The following RBP5 variants were observed in gnomAD, a reference collection of about 807,000 sequenced individuals.
The protein encoded by RBP5 is retinol binding protein 5, also known as retinol-binding protein 5.
RBP5 carries 12 observed loss-of-function variants against 17.8 expected under a neutral mutation model. The observed-to-expected ratio is 0.67, with a 90% confidence interval of 0.43 to 1.09. The LOEUF (loss-of-function observed/expected upper bound fraction) is 1.09. Among genes scored for constraint, RBP5 ranks in the 50% least tolerant of loss-of-function variants. The pLI is 0.00. For synonymous variants in RBP5, 64 were observed against 68.1 expected, an observed-to-expected ratio of 0.94 and a Z score of 0.30; for missense variants, 172 against 169.4, an observed-to-expected ratio of 1.02 and a Z score of -0.09.
chr12:7,127,690 G>A (rs1242654202), intron 2 of RBP5: 1 of 702,254 alleles, frequency 1.4e-6, no homozygotes, highest in Non-Finnish European at 2.6e-6. Context: ...GGCTCTGGCT[G>A]GAGAATTCAT....
chr12:7,118,516 G>A (rs2135775766), intron 3 of RBP5: 1 of 152,258 alleles, frequency 6.6e-6, no homozygotes, highest in East Asian at 1.9e-4. Context: ...TGTACAGAGA[G>A]GGAAAGGAAG....
Position 7,117,717 on chromosome 12 carries a change from G to T in RBP5, n.890-410C>A, listed in dbSNP as rs935045881. ...AGGGAAGACAAGTCCCAGATAGAAT[G>T]CCCTTTGCAACCTAGGGGGAGCTGA... is the stretch of plus-strand genomic sequence containing the variant. On this transcript the variant is annotated intron_variant and non_coding_transcript_variant, in intron 3 of 3. Coordinates refer to the RBP5 transcript ENST00000619522. The surrounding 1 kb of genome is among the most constrained non-coding windows in gnomAD (Gnocchi z 4.9). 6.6e-6 allele frequency: 1 copy of T among 152,170 alleles called. No individual in the cohort carries two copies. Among genetic ancestry groups the T allele is most frequent in the Non-Finnish European group, 1.5e-5 (1 of 68,032 alleles). 9.4% of individuals were successfully genotyped at this position (152,170 alleles called of 1,614,324 possible).
rs370055500 is a variant in RBP5, at chr12:7,124,597, T to A, written c.354+32A>T. ...GGGATGCCTTATAGCTGGAGGCCCT[T>A]CTCCCAGACACCCAGCCCCCACCCC... is the stretch of plus-strand genomic sequence containing the variant. On this transcript the variant is annotated intron_variant, in intron 3 of 3. Transcript: ENST00000266560. This position sits in a 1 kb window ranked among gnomAD's most constrained non-coding sequence, Gnocchi z 5.3. The A allele has an allele frequency of 1.4e-4, 176 of 1,277,722 alleles. No individual in the cohort carries two copies. Among genetic ancestry groups the A allele is most frequent in the Non-Finnish European group, 1.6e-4 (138 of 876,394 alleles). 79.1% of individuals were successfully genotyped at this position (1,277,722 alleles called of 1,614,324 possible).
rs1370292231 is a variant in RBP5 at position 7,117,301 on chromosome 12, A to C, written n.896T>G. On this transcript the variant is annotated non_coding_transcript_exon_variant, in exon 4 of 4. Transcript: ENST00000619522. This position sits in a 1 kb window ranked among gnomAD's most constrained non-coding sequence, Gnocchi z 4.9. ...TTCTGCCTTATTCCATTGGTCACACAGACAACCCGATGTGGAAGGAGACAT... is the reference window on the plus strand; with the variant it reads ...TTCTGCCTTATTCCATTGGTCACACCGACAACCCGATGTGGAAGGAGACAT... 1 of 152,246 alleles carries C rather than the reference A, an allele frequency of 6.6e-6. No individual in the cohort carries two copies. The highest frequency in any genetic ancestry group is 1.5e-5 in the Non-Finnish European group (1 of 68,052). 9.4% of individuals were successfully genotyped at this position (152,246 alleles called of 1,614,324 possible). A position where few individuals can be genotyped will look rare whatever the true frequency, so the allele number is the denominator to read the frequency against.
At position 7,123,803 on chromosome 12, in the gene RBP5, A is replaced by C; in HGVS notation, c.*318T>G. ...AGCTTAGTTCTTTCTTAGAAGGAAA[A>C]GAAGAGGTCAAATGGACAGGAGAGA... On this transcript the variant is annotated 3_prime_UTR_variant, in exon 4 of 4. Coordinates refer to ENST00000266560, the MANE Select transcript of RBP5 (RefSeq NM_031491.4). 3.4e-6 allele frequency: 1 copy of C among 293,342 alleles called. No individual in the cohort carries two copies. Among genetic ancestry groups the C allele is most frequent in the East Asian group, 5.8e-5 (1 of 17,168 alleles). 18.2% of individuals were successfully genotyped at this position (293,342 alleles called of 1,614,324 possible).
At chr12:7,123,036 C>T (rs1427020043), downstream of RBP5, among the ~76,000 whole-genome samples, 2 of 152,150 alleles carry the variant, frequency 1.3e-5, no homozygotes, top group African/African-American at 2.4e-5. Flanking sequence ...CCAACTCCCT[C>T]AACCCTTCCC....
intron 2 of RBP5, among the ~76,000 whole-genome samples, chr12:7,125,284 G>T (rs1359321043): frequency 6.6e-6 from 1 of 152,180 alleles, no homozygotes. Context: ...GTGGTAGCAG[G>T]ATAAGTAGAG....
rs1939136810 is a variant in RBP5 at position 7,124,932 on chromosome 12, G to C, written c.253-202C>G. Among the ~76,000 whole-genome samples the C allele has an allele frequency of 6.6e-6, 1 of 152,060 alleles. No homozygotes were observed. The highest frequency in any genetic ancestry group is 1.5e-5 in the Non-Finnish European group (1 of 68,020). The stretch of plus-strand genomic sequence containing the variant: ...TGTTTTTTGTGTTTTTTTGAGACAA[G>C]TTCTTGCTCTGTCACCCAGGCTGGA... On this transcript the variant is annotated intron_variant, in intron 2 of 3. Coordinates refer to ENST00000266560, the MANE Select transcript of RBP5 (RefSeq NM_031491.4). The surrounding 1 kb of genome is among the most constrained non-coding windows in gnomAD (Gnocchi z 5.3).
At chr12:7,126,082 A>AC (rs1939155992) in intron 2 of RBP5, among the ~76,000 whole-genome samples, 2 of 146,124 alleles carry the variant, frequency 1.4e-5, no homozygotes, top group African/African-American at 2.6e-5. Context: ...AAAAAAAAAA[A>AC]CACAAAAACA....
downstream of RBP5, among the ~76,000 whole-genome samples, chr12:7,120,173 G>T (rs1196384410): frequency 6.6e-6 from 1 of 152,132 alleles, no homozygotes; most frequent in Non-Finnish European, 1.5e-5. Flanking sequence ...GGTGGGTCAA[G>T]AAGCCCTTGA....
downstream of RBP5, chr12:7,121,692 T>C (rs1939083841): frequency 6.4e-6 from 1 of 155,054 alleles, no homozygotes; most frequent in African/African-American, 2.4e-5. Context: ...GGGCTCTGAA[T>C]TGACCTTTGG....
At chr12:7,120,355 G>C (rs903808622), downstream of RBP5, among the ~76,000 whole-genome samples, 10 of 152,138 alleles carry the variant, frequency 6.6e-5, no homozygotes, top group African/African-American at 2.4e-4. Context: ...AGAGGGGGCA[G>C]GCCTGGAGAG....
chr12:7,129,284 G>A (rs1939234574), upstream of RBP5: 1 of 193,116 alleles, frequency 5.2e-6, no homozygotes, highest in South Asian at 1.0e-4. This position sits in a 1 kb window ranked among gnomAD's most constrained non-coding sequence, Gnocchi z 5.5. Flanking sequence ...CTGAGATCCT[G>A]GGACTGAGTG....
At chr12:7,127,739 T>C in intron 2 of RBP5, 1 of 701,826 alleles carries the variant, frequency 1.4e-6, no homozygotes, top group East Asian at 2.7e-5. Flanking sequence ...AAGGCATGGG[T>C]GTAGATGATT....
exon 4 of RBP5, chr12:7,116,453 T>C (rs1939006254): frequency 6.6e-6 from 1 of 152,254 alleles, no homozygotes; most frequent in Non-Finnish European, 1.5e-5. Context: ...TGCTGTCTAA[T>C]GGCGTGAGGT....
chr12:7,116,630 G>A (rs989160129), exon 4 of RBP5: 1 of 152,242 alleles, frequency 6.6e-6, no homozygotes, highest in Non-Finnish European at 1.5e-5. Context: ...GCCTCAAAGA[G>A]GAAGGGAAAG....
At chr12:7,123,005 C>G (rs948620824), downstream of RBP5, among the ~76,000 whole-genome samples, 7 of 152,158 alleles carry the variant, frequency 4.6e-5, no homozygotes, top group African/African-American at 1.7e-4. Context: ...GAGTCTTCAT[C>G]TGATGAGGGC....
chr12:7,122,724 G>A (rs1939097756), downstream of RBP5, among the ~76,000 whole-genome samples: 1 of 152,186 alleles, frequency 6.6e-6, no homozygotes, highest in South Asian at 2.1e-4. Context: ...CCTGTGCCTT[G>A]GAATGGGACA....
chr12:7,122,969 C>A (rs957356303), downstream of RBP5, among the ~76,000 whole-genome samples: 2 of 152,010 alleles, frequency 1.3e-5, no homozygotes, highest in Non-Finnish European at 2.9e-5. Flanking sequence ...CATGGGGGGG[C>A]CAGCCGTTGC....
Sources: allele counts gnomAD v4.1 joint callset (sites outside exome capture counted in the v4.1 genomes callset), GRCh38; gene constraint gnomAD v4.1.1; non-coding constraint Gnocchi (gnomAD v3.1); transcripts MANE v1.5; gene names NCBI Gene and HGNC (gene_info 2026-07-23, HGNC 2026-07-21).